Variants in SUSD4 observed in about 807,000 individuals in gnomAD.
The protein encoded by SUSD4 is sushi domain-containing protein 4.
A neutral mutation model predicts 50.5 loss-of-function variants in SUSD4; 41 were observed. The observed-to-expected ratio is 0.81, with a 90% CI of 0.63 to 1.05. SUSD4 has a LOEUF of 1.05. Among genes scored for constraint, SUSD4 ranks in the 50% least tolerant of loss-of-function variants. SUSD4 has a pLI of 0.00. For missense variants in SUSD4, 580 were observed against 634.7 expected, an observed-to-expected ratio of 0.91 and a Z score of 0.93; for synonymous variants, 257 against 257.3, an observed-to-expected ratio of 1.00 and a Z score of 0.01.
At chr1:223,356,065 T>C (rs571124050) in intron 2 of SUSD4, among the ~76,000 whole-genome samples, 7 of 152,336 alleles carry the variant, frequency 4.6e-5, no homozygotes, top group African/African-American at 1.7e-4. Context: ...AATTATTTTG[T>C]TTGACTTCTC....
chr1:223,341,593 G>A (rs956008158), intron 2 of SUSD4, among the ~76,000 whole-genome samples: 7 of 152,100 alleles, frequency 4.6e-5, no homozygotes, highest in East Asian at 1.9e-4. Flanking sequence ...ATCCACTGAC[G>A]GGGCACCCAA....
chr1:223,285,849 G>C (rs933304773), intron 3 of SUSD4, among the ~76,000 whole-genome samples: 5 of 152,218 alleles, frequency 3.3e-5, no homozygotes, highest in Admixed American at 1.3e-4. Context: ...TGAGGGTGGA[G>C]AGCGGGAGAG....
At chr1:223,309,848 T>C (rs1043961670) in intron 2 of SUSD4, among the ~76,000 whole-genome samples, 2 of 152,226 alleles carry the variant, frequency 1.3e-5, no homozygotes, top group East Asian at 1.9e-4. Flanking sequence ...TTGTCACTCA[T>C]AAATCATGGA....
Position 223,223,290 on chromosome 1 carries a change from T to A in SUSD4, c.1403A>T (p.Glu468Val). ...DNPDIIASTA[E>V]EVASTSPGID... ...GCCTGGGCTGGTGGATGCCACCTCC[T>A]CTGCCGTGCTGGCAATTATGTCAGG... The change falls in exon 8 of 9, where the codon GAG (glutamate) becomes GTG (valine). Residue 468 changes from glutamate (E) to valine (V), a missense_variant. Glu to Val is a moderately radical substitution (Grantham distance 121). Transcript: ENST00000366878. The A allele has an allele frequency of 6.3e-7, 1 of 1,575,048 alleles. No individual in the cohort carries two copies. The highest frequency in any genetic ancestry group is 8.6e-7 in the Non-Finnish European group (1 of 1,162,900).
intron 5 of SUSD4, among the ~76,000 whole-genome samples, chr1:223,233,715 C>G (rs1465077851): frequency 6.6e-6 from 1 of 152,186 alleles, no homozygotes; most frequent in Non-Finnish European, 1.5e-5. Context: ...CTGTTCTTAT[C>G]TTAGAACTCC....
At chr1:223,292,405 A>G in intron 3 of SUSD4, 34 bp downstream of exon 3, 2 of 1,613,022 alleles carry the variant, frequency 1.2e-6, no homozygotes, top group Non-Finnish European at 1.7e-6. Flanking sequence ...CTTGAACCAC[A>G]TGAGTGGCTT....
chr1:223,340,442 A>G (rs1667692564), intron 2 of SUSD4, among the ~76,000 whole-genome samples: 1 of 152,198 alleles, frequency 6.6e-6, no homozygotes, highest in Non-Finnish European at 1.5e-5. Context: ...CTGCAGCTGC[A>G]ATGAAAAATG....
intron 3 of SUSD4, chr1:223,289,070 A>G (rs1389262447): frequency 2.0e-6 from 2 of 984,852 alleles, no homozygotes; most frequent in Non-Finnish European, 2.4e-6. Context: ...TGGTTTTGGA[A>G]AGGAAGCGGC....
intron 5 of SUSD4, among the ~76,000 whole-genome samples, chr1:223,258,302 C>T (rs753279630): frequency 6.6e-6 from 1 of 152,200 alleles, no homozygotes; most frequent in Non-Finnish European, 1.5e-5. Flanking sequence ...GTTTTGATCC[C>T]AAATTGGAAC....
chr1:223,295,536 C>A (rs1664763999), intron 2 of SUSD4, among the ~76,000 whole-genome samples: 1 of 152,026 alleles, frequency 6.6e-6, no homozygotes, highest in Non-Finnish European at 1.5e-5. Context: ...GAGTGGGATC[C>A]TTGTGAAGAG....
chr1:223,241,739 C>T (rs1026095286), intron 5 of SUSD4, among the ~76,000 whole-genome samples: 3 of 152,308 alleles, frequency 2.0e-5, no homozygotes, highest in Middle Eastern at 3.4e-3. Context: ...CCTCTCCGGA[C>T]GGGGCCTCAG....
chr1:223,272,325 A>T (rs754748507), intron 3 of SUSD4, among the ~76,000 whole-genome samples: 1 of 152,246 alleles, frequency 6.6e-6, no homozygotes, highest in African/African-American at 2.4e-5. Flanking sequence ...CCATTCTGGA[A>T]ATCATCTTTC....
At chr1:223,296,338 G>GC (rs1664821285) in intron 2 of SUSD4, among the ~76,000 whole-genome samples, 1 of 152,274 alleles carries the variant, frequency 6.6e-6, no homozygotes, top group African/African-American at 2.4e-5. Context: ...AGATGGCAGT[G>GC]CCATGTGCTC....
intron 2 of SUSD4, among the ~76,000 whole-genome samples, chr1:223,317,438 T>C (rs1481926731): frequency 6.6e-6 from 1 of 152,204 alleles, no homozygotes; most frequent in Non-Finnish European, 1.5e-5. Context: ...TTATTCCTCT[T>C]GCTTTCACTT....
In SUSD4 at chr1:223,264,662, G is replaced by A. The variant is rs373834686; in HGVS notation, c.692C>T (p.Ser231Leu). The stretch of plus-strand genomic sequence containing the variant: ...AGCAAGGCACCGGGGTGGGCTGGAC[G>A]ACCAGATAAGGTTTTGTAAGCACTC... ...YLECLQNLIW[S>L]SSPPRCLALE... Residue 231 changes from serine (S) to leucine (L), a missense_variant, in exon 5 of 9, where the codon TCG becomes TTG. By Grantham distance (145) the Ser-to-Leu change is moderately radical. Coordinates refer to ENST00000366878, the MANE Select transcript of SUSD4 (RefSeq NM_017982.4). 2.6e-5 allele frequency: 42 copies of A among 1,614,136 alleles called. No homozygotes were observed. Among genetic ancestry groups the A allele is most frequent in the Admixed American group, 5.0e-5 (3 of 60,030 alleles).
At position 223,227,600 on chromosome 1, in the gene SUSD4, G is replaced by A. The variant is rs766439675; in HGVS notation, c.1055C>T (p.Pro352Leu). ...GCCAAGACATGACACTGACCTGGGG[G>A]GAAAGTGGGCCTTGAACTTGGTCTG... ...MFQTKFKAHF[P>L]PRGPPRSSSS... The change falls in exon 7 of 9, where the codon CCC (proline) becomes CTC (leucine). Residue 352 changes from proline (P) to leucine (L), a missense_variant. Coordinates refer to ENST00000366878, the MANE Select transcript of SUSD4 (RefSeq NM_017982.4). The surrounding 1 kb of genome is among the most constrained non-coding windows in gnomAD (Gnocchi z 4.5). 1.9e-6 allele frequency: 3 copies of A among 1,613,790 alleles called. No homozygotes were observed. Among genetic ancestry groups the A allele is most frequent in the African/African-American group, 1.3e-5 (1 of 75,038 alleles).
rs371073576 is a variant in SUSD4 at position 223,286,736 on chromosome 1, A to G, written c.361+5703T>C. Among the ~76,000 whole-genome samples, 16 of 152,342 alleles carry G rather than the reference A, an allele frequency of 1.1e-4. No homozygotes were observed. The East Asian group carries it at 2.5e-3, about 24-fold the overall frequency. The stretch of plus-strand genomic sequence containing the variant: ...TTGCCTGCTTGGTTATGCAGGTAAT[A>G]AATAATAACATCGAGTGAGTGCCTG... On this transcript the variant is annotated intron_variant, in intron 3 of 8. Coordinates refer to ENST00000366878, the MANE Select transcript of SUSD4 (RefSeq NM_017982.4).
upstream of SUSD4, among the ~76,000 whole-genome samples, chr1:223,364,436 C>G (rs1361972302): frequency 6.8e-6 from 1 of 147,878 alleles, no homozygotes; most frequent in Non-Finnish European, 1.5e-5. The surrounding 1 kb of genome is among the most constrained non-coding windows in gnomAD (Gnocchi z 4.5). Flanking sequence ...ACCCAGCCGG[C>G]GCCGCGGCGT....
intron 5 of SUSD4, chr1:223,234,860 G>T: frequency 7.0e-7 from 1 of 1,435,248 alleles, no homozygotes; most frequent in Non-Finnish European, 9.2e-7. Flanking sequence ...TTCCCTTGAT[G>T]CACTAACAGG....
Sources: allele counts gnomAD v4.1 joint callset (sites outside exome capture counted in the v4.1 genomes callset), GRCh38; gene constraint gnomAD v4.1.1; non-coding constraint Gnocchi (gnomAD v3.1); transcripts MANE v1.5; gene names NCBI Gene and HGNC (gene_info 2026-07-23, HGNC 2026-07-21).